Variants in POTEF observed in about 807,000 individuals in gnomAD.
POTEF encodes POTE ankyrin domain family member F, also known as ANKRD26-like family C member 1B.
POTEF carries 20 observed loss-of-function variants against 83.2 expected under a neutral mutation model. The observed-to-expected ratio is 0.24, with a 90% CI of 0.17 to 0.35. POTEF has a LOEUF of 0.35. Ranked by LOEUF, POTEF falls within the 10% of genes least tolerant of loss-of-function variation. The pLI, the probability that POTEF is intolerant of heterozygous loss-of-function variation, is 1.00. For synonymous variants in POTEF, 196 were observed against 446.4 expected (o/e 0.44, Z 7.07); for missense variants, 550 against 1,203.2 (o/e 0.46, Z 8.03).
At chr2:130,117,563 ATTT>A (rs1045444859) in intron 3 of POTEF, among the ~76,000 whole-genome samples, 1 of 151,820 alleles carries the variant, frequency 6.6e-6, no homozygotes. Context: ...TGTGTAACCG[ATTT>A]TTTTTCTCAC....
chr2:130,103,865 T>TG, intron 8 of POTEF, among the ~76,000 whole-genome samples: 1 of 138,192 alleles, frequency 7.2e-6, no homozygotes, highest in Non-Finnish European at 1.5e-5. Flanking sequence ...GGAGGATGAG[T>TG]GAGTAGGGCA....
chr2:130,109,735 G>A (rs1459252680), intron 7 of POTEF: 1 of 150,892 alleles, frequency 6.6e-6, no homozygotes, highest in African/African-American at 2.5e-5. Context: ...AGCCTCAAAG[G>A]ATCTCTTACC....
chr2:130,104,153 A>T (rs975956748), intron 8 of POTEF, among the ~76,000 whole-genome samples: 3 of 150,656 alleles, frequency 2.0e-5, no homozygotes, highest in African/African-American at 7.5e-5. Flanking sequence ...TTTCTCAATA[A>T]TTCTCATGAA....
rs1371585174 is a variant in POTEF at position 130,113,275 on chromosome 2, G to A, written c.811-1174C>T. 4.4e-5 allele frequency among the ~76,000 whole-genome samples: 5 copies of A among 113,728 alleles called. No homozygotes were observed. The East Asian group carries it at 7.9e-4, about 18-fold the overall frequency. The allele number at this position is 113,728 out of a possible 152,430, so 74.6% of individuals were successfully genotyped here. A position where few individuals can be genotyped will look rare whatever the true frequency, so the allele number is the denominator to read the frequency against. On this transcript the variant is annotated intron_variant, in intron 5 of 16. Coordinates refer to ENST00000409914, the MANE Select transcript of POTEF (RefSeq NM_001099771.2). ...AGGACCATCTGAGCTTGGAGAGGTC[G>A]AGGCTGCAGTGAGCTGTGATCACAC...
chr2:130,107,641 T>C (rs972327951), intron 8 of POTEF: 4 of 299,446 alleles, frequency 1.3e-5, no homozygotes, highest in Admixed American at 4.9e-5. Context: ...TAGATACTCA[T>C]TGGAGCATGA....
At position 130,075,099 on chromosome 2, in the gene POTEF, G is replaced by T. The variant is rs756907826; in HGVS notation, c.2373C>A (p.Tyr791Ter). 1 of 1,613,792 alleles carries T rather than the reference G, an allele frequency of 6.2e-7. No homozygotes were observed. Among genetic ancestry groups the T allele is most frequent in the Non-Finnish European group, 8.5e-7 (1 of 1,179,954 alleles). ...DMEKIWHHTF[Y>*]NELRVAPEEH... is the part of the protein sequence containing the mutation. Reference sequence around the variant, plus strand: ...CCTCGGGAGCCACACGCAGCTCGTTGTAGAAGGTGTGGTGCCAGATCTTCT... The same window carrying T: ...CCTCGGGAGCCACACGCAGCTCGTTTTAGAAGGTGTGGTGCCAGATCTTCT... The change falls in exon 17 of 17, where the codon TAC becomes TAA. Residue 791 changes from tyrosine (Y) to a stop codon, truncating the protein, a stop_gained. Transcript: ENST00000409914. LOFTEE classifies it high-confidence loss of function.
At chr2:130,109,359 G>C (rs1435643602) in intron 7 of POTEF, 1 of 142,804 alleles carries the variant, frequency 7.0e-6, no homozygotes, top group African/African-American at 2.8e-5. Context: ...GACAAGGCTT[G>C]GCTCTGTGAA....
rs773682290 is a variant in POTEF at position 130,075,367 on chromosome 2, T to C, written c.2105A>G (p.Asp702Gly). 3 of 1,612,226 alleles carry C rather than the reference T, an allele frequency of 1.9e-6. No homozygotes were observed. The highest frequency in any genetic ancestry group is 4.5e-5 in the East Asian group (2 of 44,868). Residue 702 changes from aspartate (D) to glycine (G), a missense_variant, in exon 17 of 17, where the codon GAT becomes GGT. Physicochemically the swap from Asp to Gly is moderately conservative, Grantham distance 94. Transcript: ENST00000409914. ...KALQLNELTM[D>G]DDTAVLVIDN... ...AATGACGAGCACAGCGGTATCATCA[T>C]CCATGGTGAGCTCATTCAATTGTAG...
intron 2 of POTEF, among the ~76,000 whole-genome samples, chr2:130,126,016 G>A (rs1201733455): frequency 6.6e-6 from 1 of 151,504 alleles, no homozygotes; most frequent in Non-Finnish European, 1.5e-5. Context: ...GAAAATGGTG[G>A]CAGAGAGCCA....
At chr2:130,123,734 A>C (rs1316782860) in intron 2 of POTEF, among the ~76,000 whole-genome samples, 1 of 150,632 alleles carries the variant, frequency 6.6e-6, no homozygotes, top group Non-Finnish European at 1.5e-5. Flanking sequence ...GAAGAAAGTA[A>C]AAATGTCATT....
intron 2 of POTEF, among the ~76,000 whole-genome samples, chr2:130,123,339 G>T (rs1193298484): frequency 6.6e-6 from 1 of 151,490 alleles, no homozygotes; most frequent in East Asian, 1.9e-4. Flanking sequence ...GTCTAGCCAA[G>T]AGTTGACCAA....
At chr2:130,126,551 G>C (rs1573620156) in intron 2 of POTEF, among the ~76,000 whole-genome samples, 1 of 151,956 alleles carries the variant, frequency 6.6e-6, no homozygotes, top group Non-Finnish European at 1.5e-5. Context: ...GCAATTTTTT[G>C]AATTTTTGCA....
intron 5 of POTEF, among the ~76,000 whole-genome samples, chr2:130,114,677 G>C (rs11491245): frequency 0.032 from 4,776 of 150,654 alleles, 293 homozygotes; most frequent in African/African-American, 0.11. Flanking sequence ...TACCACAAGT[G>C]CATTAAAAAA....
intron 6 of POTEF, among the ~76,000 whole-genome samples, chr2:130,111,093 A>G (rs2104816040): frequency 6.8e-6 from 1 of 147,396 alleles, no homozygotes; most frequent in South Asian, 2.1e-4. Flanking sequence ...AATAATGGTA[A>G]GAATAGTAGT....
Position 130,128,548 on chromosome 2 carries a change from ACC to A in POTEF, c.-250+522_-250+523del, listed in dbSNP as rs60783655. Among the ~76,000 whole-genome samples, 292 of 79,832 alleles carry A rather than the reference ACC, an allele frequency of 3.7e-3. 6 individuals carry two copies. Among genetic ancestry groups the A allele is most frequent in the Middle Eastern group, 6.6e-3 (1 of 152 alleles). 52.4% of individuals were successfully genotyped at this position (79,832 alleles called of 152,430 possible). ...CAGTTGCAGGCAGTGTAACCCCAAT[ACC>A]CCCCCCAACCACCCCCTCCACAGGC... On this transcript the variant is annotated intron_variant, in intron 1 of 16. Transcript: ENST00000409914.
At position 130,075,602 on chromosome 2, in the gene POTEF, C is replaced by T. The variant is rs757732409; in HGVS notation, c.1900-30G>A. ...GTAAACAAAGAGAACTTTTAGTTAG[C>T]ACTCAATAGATTGACATATCATGAT... On this transcript the variant is annotated intron_variant, in intron 16 of 16. Coordinates refer to ENST00000409914, the MANE Select transcript of POTEF (RefSeq NM_001099771.2). 22 of 1,591,120 alleles carry T rather than the reference C, an allele frequency of 1.4e-5. 1 individual carries two copies. In the South Asian group the frequency reaches 2.4e-4, roughly 17 times the overall value.
chr2:130,104,439 T>C (rs1573605069), intron 8 of POTEF, among the ~76,000 whole-genome samples: 2 of 147,442 alleles, frequency 1.4e-5, no homozygotes, highest in South Asian at 2.2e-4. Flanking sequence ...CAAAAAACAC[T>C]CTTTCTCTTT....
intron 5 of POTEF, among the ~76,000 whole-genome samples, chr2:130,112,847 A>T (rs1684747697): frequency 6.6e-6 from 1 of 151,548 alleles, no homozygotes; most frequent in Non-Finnish European, 1.5e-5. Flanking sequence ...ATTTGCTACT[A>T]TTCTAATTGA....
chr2:130,103,621 A>G (rs1360789713), intron 8 of POTEF, among the ~76,000 whole-genome samples: 1 of 149,308 alleles, frequency 6.7e-6, no homozygotes, highest in African/African-American at 2.5e-5. Context: ...CTCACATTTT[A>G]CTCAGAAATT....
Sources: gnomAD v4.1 joint callset for allele counts (sites outside exome capture counted in the v4.1 genomes callset) on GRCh38, gnomAD v4.1.1 for gene constraint, MANE v1.5 for transcripts, NCBI Gene and HGNC (gene_info 2026-07-23, HGNC 2026-07-21) for gene names.